TNRC6B: variants seen among roughly 807,000 people sequenced by gnomAD.
TNRC6B encodes the protein trinucleotide repeat containing adaptor 6B.
A neutral mutation model predicts 203.6 loss-of-function variants in TNRC6B; 52 were observed. The observed-to-expected ratio is 0.26, with a 90% CI of 0.20 to 0.32. The LOEUF (loss-of-function observed/expected upper bound fraction) is 0.32. TNRC6B is among the 10% of genes least tolerant of loss of function. TNRC6B has a pLI of 1.00. For synonymous variants in TNRC6B, 838 were observed against 845.7 expected, an observed-to-expected ratio of 0.99 and a Z score of 0.16; for missense variants, 1,923 against 2,286.2, an observed-to-expected ratio of 0.84 and a Z score of 3.24.
At chr22:40,061,739 A>T (rs1448588714) in intron 1 of TNRC6B, among the ~76,000 whole-genome samples, 2 of 152,018 alleles carry the variant, frequency 1.3e-5, no homozygotes, top group Admixed American at 1.3e-4. Context: ...TACATACCAC[A>T]ATCTATCTTC....
chr22:40,246,901 G>A (rs1264402460), intron 2 of TNRC6B, among the ~76,000 whole-genome samples: 3 of 152,090 alleles, frequency 2.0e-5, no homozygotes, highest in African/African-American at 7.2e-5. Context: ...ATGGCATTGT[G>A]TGGCTTTGAG....
At chr22:40,075,388 C>T (rs1160188647) in intron 1 of TNRC6B, among the ~76,000 whole-genome samples, 2 of 151,414 alleles carry the variant, frequency 1.3e-5, no homozygotes, top group Admixed American at 6.6e-5. Context: ...TAGAACGTTT[C>T]CTTATCCCTG....
chr22:40,277,057 T>G lies in TNRC6B; in HGVS notation c.3142-20T>G. 6.4e-7 allele frequency: 1 copy of G among 1,563,252 alleles called. No homozygotes were observed. Among genetic ancestry groups the G allele is most frequent in the Non-Finnish European group, 8.6e-7 (1 of 1,156,918 alleles). On this transcript the variant is annotated intron_variant, in intron 7 of 22. Coordinates refer to ENST00000454349, the MANE Select transcript of TNRC6B (RefSeq NM_001162501.2). ...GAAATAAATTATTTGGTTCTGAGGT[T>G]CCGTGTTTCATTTCTGTAGTGCTCA...
chr22:40,249,120 A>G (rs2070149212), intron 2 of TNRC6B, among the ~76,000 whole-genome samples: 1 of 152,190 alleles, frequency 6.6e-6, no homozygotes, highest in African/African-American at 2.4e-5. Context: ...GGGCTTCCAC[A>G]TCTCTCATGC....
chr22:40,139,899 G>T (rs896375660), intron 3 of TNRC6B, among the ~76,000 whole-genome samples: 2 of 152,132 alleles, frequency 1.3e-5, no homozygotes, highest in East Asian at 3.8e-4. Context: ...AGAAATGCAC[G>T]AGGGTTCCAG....
At chr22:40,279,854 T>G (rs1200748508) in intron 9 of TNRC6B, 141 bp from the exon 10 acceptor site, 2 of 630,974 alleles carry the variant, frequency 3.2e-6, no homozygotes, top group East Asian at 5.2e-5. Flanking sequence ...CAATGAGAGT[T>G]TGTCTCGTCT....
At chr22:40,296,264 G>T (rs2070938294) in intron 12 of TNRC6B, among the ~76,000 whole-genome samples, 1 of 151,698 alleles carries the variant, frequency 6.6e-6, no homozygotes, top group South Asian at 2.1e-4. Context: ...TCTGTGTGGA[G>T]CCTCAGATCA....
At chr22:40,107,244 T>A (rs1044026174) in intron 1 of TNRC6B, among the ~76,000 whole-genome samples, 2 of 152,232 alleles carry the variant, frequency 1.3e-5, no homozygotes, top group African/African-American at 4.8e-5. Flanking sequence ...GCTTTATTAT[T>A]TATCTTTCAC....
At chr22:40,134,077 T>G (rs1437001669) in intron 3 of TNRC6B, among the ~76,000 whole-genome samples, 2 of 151,756 alleles carry the variant, frequency 1.3e-5, no homozygotes, top group Admixed American at 6.6e-5. Flanking sequence ...ACATCAAAAC[T>G]TAGTGGTTTA....
intron 12 of TNRC6B, among the ~76,000 whole-genome samples, chr22:40,298,681 C>T (rs369414505): frequency 1.3e-5 from 2 of 152,264 alleles, no homozygotes; most frequent in East Asian, 3.9e-4. Context: ...AATGGCAGAG[C>T]TGGGGCCGGG....
At chr22:40,242,223 C>T (rs914276428) in intron 1 of TNRC6B, among the ~76,000 whole-genome samples, 2 of 151,056 alleles carry the variant, frequency 1.3e-5, no homozygotes, top group Non-Finnish European at 2.9e-5. Context: ...TGCGCACGTG[C>T]GTGTGTGAAG....
At chr22:40,075,156 A>ATATATATATAT in intron 1 of TNRC6B, among the ~76,000 whole-genome samples, 1 of 35,568 alleles carries the variant, frequency 2.8e-5, no homozygotes, top group Admixed American at 4.9e-4. Flanking sequence ...ATATATATAT[A>ATATATATATAT]TTTTTTTTTT....
At chr22:40,086,792 A>G (rs2068103467) in intron 1 of TNRC6B, among the ~76,000 whole-genome samples, 1 of 152,248 alleles carries the variant, frequency 6.6e-6, no homozygotes, top group Non-Finnish European at 1.5e-5. Context: ...AAATAAAATG[A>G]AGCCTTAACT....
chr22:40,202,583 A>G (rs1156546752), intron 1 of TNRC6B, among the ~76,000 whole-genome samples: 2 of 152,124 alleles, frequency 1.3e-5, no homozygotes, highest in Non-Finnish European at 2.9e-5. Flanking sequence ...TTGTCTTAAG[A>G]TAACGAATGA....
chr22:40,164,388 T>TAA (rs34013375), intron 4 of TNRC6B, among the ~76,000 whole-genome samples: 4 of 128,062 alleles, frequency 3.1e-5, no homozygotes, highest in Non-Finnish European at 3.2e-5. Context: ...ACTCTGCCTT[T>TAA]AAAAAAAAAA....
intron 3 of TNRC6B, among the ~76,000 whole-genome samples, chr22:40,151,947 G>C (rs1046523435): frequency 1.3e-5 from 2 of 151,966 alleles, no homozygotes; most frequent in African/African-American, 4.8e-5. Flanking sequence ...CAGAAGGAGA[G>C]AACAGAAGTT....
chr22:40,311,810 C>G (rs1054108300), intron 17 of TNRC6B, among the ~76,000 whole-genome samples: 1 of 152,062 alleles, frequency 6.6e-6, no homozygotes, highest in East Asian at 1.9e-4. Flanking sequence ...CCCAAAGTGC[C>G]GGGATTACAG....
At chr22:40,261,255 C>T (rs904618787) in intron 3 of TNRC6B, among the ~76,000 whole-genome samples, 13 of 151,032 alleles carry the variant, frequency 8.6e-5, no homozygotes, top group East Asian at 3.9e-4. Context: ...CACTCCAGCC[C>T]GAGTTATACA....
At chr22:40,288,356 G>A (rs1322504200) in intron 12 of TNRC6B, among the ~76,000 whole-genome samples, 1 of 152,200 alleles carries the variant, frequency 6.6e-6, no homozygotes, top group Non-Finnish European at 1.5e-5. Context: ...GGCCACTGCT[G>A]TAGACAATAT....
Sources: gnomAD v4.1 joint callset for allele counts (sites outside exome capture counted in the v4.1 genomes callset) on GRCh38, gnomAD v4.1.1 for gene constraint, MANE v1.5 for transcripts, NCBI Gene and HGNC (gene_info 2026-07-23, HGNC 2026-07-21) for gene names.